PTPRK: variants seen among roughly 807,000 people sequenced by gnomAD.
PTPRK encodes receptor-type tyrosine-protein phosphatase kappa.
A neutral mutation model predicts 178.0 loss-of-function variants in PTPRK; 75 were observed. The observed-to-expected ratio is 0.42, with a 90% CI of 0.35 to 0.51. PTPRK has a LOEUF of 0.51. PTPRK is among the 20% of genes least tolerant of loss of function. The probability of loss-of-function intolerance (pLI) is 0.02; values close to 1 mark genes in which losing one functional copy is unlikely to be tolerated. For synonymous variants in PTPRK, 637 were observed against 620.6 expected (o/e 1.03, Z -0.39); for missense variants, 1,441 against 1,797.8 (o/e 0.80, Z 3.59).
Position 128,158,274 on chromosome 6 carries a change from G to C in PTPRK, c.1162+26158C>G, listed in dbSNP as rs187880385. On this transcript the variant is annotated intron_variant, in intron 7 of 29. Transcript: ENST00000368226. Reference sequence around the variant, plus strand: ...GGGGCCTGTCGTGGGGTGGGGGCAGGGGGGAGTGAAGGCATTAGGAGAAAT... The same window carrying C: ...GGGGCCTGTCGTGGGGTGGGGGCAGCGGGGAGTGAAGGCATTAGGAGAAAT... Among the ~76,000 whole-genome samples, 648 of 151,916 alleles carry C rather than the reference G, an allele frequency of 4.3e-3. 3 individuals carry two copies. Among genetic ancestry groups the C allele is most frequent in the Non-Finnish European group, 6.7e-3 (454 of 67,918 alleles).
At chr6:128,007,901 C>T in intron 14 of PTPRK, 1 of 454,638 alleles carries the variant, frequency 2.2e-6, no homozygotes, top group Non-Finnish European at 4.0e-6. Flanking sequence ...TCTTTACTGG[C>T]AAATTTTTAT....
At chr6:128,164,273 T>C (rs1350131028) in intron 7 of PTPRK, among the ~76,000 whole-genome samples, 1 of 151,416 alleles carries the variant, frequency 6.6e-6, no homozygotes, top group Non-Finnish European at 1.5e-5. Flanking sequence ...TTCAGAAGTA[T>C]AGCTTAGCTC....
At chr6:128,291,387 CT>C (rs1348345982) in intron 3 of PTPRK, among the ~76,000 whole-genome samples, 4 of 152,106 alleles carry the variant, frequency 2.6e-5, no homozygotes, top group Non-Finnish European at 5.9e-5. Flanking sequence ...TGTCAGGCTA[CT>C]GACCTAGAAC....
chr6:128,367,264 C>T lies in PTPRK; in HGVS notation c.223+30302G>A, dbSNP rs147191013. Reference sequence around the variant, plus strand: ...GTTTTCCAACACTGACAATTGGCGACGCTGAATTATCCAGGACTCCATCCC... The same window carrying T: ...GTTTTCCAACACTGACAATTGGCGATGCTGAATTATCCAGGACTCCATCCC... On this transcript the variant is annotated intron_variant, in intron 2 of 29. Transcript: ENST00000368226. Among the ~76,000 whole-genome samples, 307 of 152,200 alleles carry T rather than the reference C, an allele frequency of 2.0e-3. 1 individual carries two copies. The highest frequency in any genetic ancestry group is 7.1e-3 in the African/African-American group (296 of 41,538).
At chr6:128,420,871 G>A (rs904337168) in intron 1 of PTPRK, among the ~76,000 whole-genome samples, 1 of 152,202 alleles carries the variant, frequency 6.6e-6, no homozygotes, top group African/African-American at 2.4e-5. Flanking sequence ...TAGAAATTAA[G>A]TGGTTATTCT....
intron 6 of PTPRK, among the ~76,000 whole-genome samples, chr6:128,204,088 T>A (rs1806478484): frequency 6.6e-6 from 1 of 151,800 alleles, no homozygotes; most frequent in South Asian, 2.1e-4. Flanking sequence ...CATAGACCAG[T>A]GGAACAGAAT....
At chr6:128,406,995 T>TTG (rs1163028437) in intron 1 of PTPRK, among the ~76,000 whole-genome samples, 4 of 152,212 alleles carry the variant, frequency 2.6e-5, no homozygotes, top group Admixed American at 2.0e-4. Flanking sequence ...AGATTCAGGT[T>TTG]TGTGTGTGTG....
intron 6 of PTPRK, among the ~76,000 whole-genome samples, chr6:128,208,514 A>G (rs1350470711): frequency 6.6e-6 from 1 of 152,186 alleles, no homozygotes; most frequent in East Asian, 1.9e-4. Flanking sequence ...AGGAATCTAC[A>G]TGAAGCAGTG....
At chr6:128,409,755 G>T (rs1050393420) in intron 1 of PTPRK, among the ~76,000 whole-genome samples, 2 of 152,108 alleles carry the variant, frequency 1.3e-5, no homozygotes, top group African/African-American at 4.8e-5. Context: ...TGTTGTAGTT[G>T]TTATTAAAAG....
In PTPRK at chr6:128,299,166, A is replaced by G. The variant is rs566201089; in HGVS notation, c.495+22873T>C. Among the ~76,000 whole-genome samples, 93 of 152,320 alleles carry G rather than the reference A, an allele frequency of 6.1e-4. 1 individual carries two copies. The highest frequency in any genetic ancestry group is 2.1e-3 in the African/African-American group (86 of 41,542). The stretch of plus-strand genomic sequence containing the variant: ...TACCTAGGAATCCAACTTACAAGGG[A>G]CGTGAAGGATATCTTCAAGGAGAAC... On this transcript the variant is annotated intron_variant, in intron 3 of 29. Coordinates refer to ENST00000368226, the MANE Select transcript of PTPRK (RefSeq NM_002844.4).
chr6:128,436,562 C>T (rs1474202392), intron 1 of PTPRK, among the ~76,000 whole-genome samples: 2 of 151,556 alleles, frequency 1.3e-5, no homozygotes, highest in African/African-American at 2.4e-5. Flanking sequence ...GGTGCAGTGG[C>T]GCTAAATAAT....
chr6:128,369,307 A>G (rs1835947532), intron 2 of PTPRK, among the ~76,000 whole-genome samples: 1 of 152,270 alleles, frequency 6.6e-6, no homozygotes, highest in East Asian at 1.9e-4. Flanking sequence ...AAATGAAAAT[A>G]TTCCATATGT....
chr6:128,023,823 TTTTC>T (rs1404247050), intron 13 of PTPRK, among the ~76,000 whole-genome samples: 5 of 148,294 alleles, frequency 3.4e-5, no homozygotes, highest in South Asian at 2.1e-4. Context: ...CTGGCTAATG[TTTTC>T]TTTCTTTCTT....
At chr6:128,402,488 G>A (rs190594983) in intron 1 of PTPRK, among the ~76,000 whole-genome samples, 82 of 152,214 alleles carry the variant, frequency 5.4e-4, no homozygotes, top group African/African-American at 1.9e-3. Context: ...TCTTGACCTC[G>A]TGATCCACCC....
intron 8 of PTPRK, among the ~76,000 whole-genome samples, chr6:128,088,651 T>C (rs1786380066): frequency 6.6e-6 from 1 of 152,192 alleles, no homozygotes; most frequent in Non-Finnish European, 1.5e-5. Context: ...TATTTTTATA[T>C]GTTTTTGCTA....
At chr6:128,498,902 T>A (rs1855131553) in intron 1 of PTPRK, among the ~76,000 whole-genome samples, 2 of 152,362 alleles carry the variant, frequency 1.3e-5, no homozygotes, top group East Asian at 1.9e-4. Flanking sequence ...TGTATCTTTT[T>A]TATTCCTTTG....
intron 7 of PTPRK, among the ~76,000 whole-genome samples, chr6:128,146,377 G>T (rs1165927362): frequency 2.0e-5 from 3 of 151,324 alleles, no homozygotes; most frequent in Admixed American, 6.6e-5. Context: ...TGTTGGTATT[G>T]TATTTTACCA....
At chr6:128,114,851 G>C (rs956007137) in intron 7 of PTPRK, among the ~76,000 whole-genome samples, 1 of 151,896 alleles carries the variant, frequency 6.6e-6, no homozygotes, top group African/African-American at 2.4e-5. Context: ...TGAAATAAAG[G>C]CATGCCAGGA....
chr6:128,185,260 C>A (rs1433134224), intron 6 of PTPRK, among the ~76,000 whole-genome samples: 1 of 152,116 alleles, frequency 6.6e-6, no homozygotes, highest in African/African-American at 2.4e-5. Flanking sequence ...CACCTAGGCA[C>A]AATCACAAAT....
Sources: gnomAD v4.1 joint callset for allele counts (sites outside exome capture counted in the v4.1 genomes callset) on GRCh38, gnomAD v4.1.1 for gene constraint, MANE v1.5 for transcripts, NCBI Gene and HGNC (gene_info 2026-07-23, HGNC 2026-07-21) for gene names.